The following CWC27 variants were observed in gnomAD, a reference collection of about 807,000 sequenced individuals.
The protein encoded by CWC27 is spliceosome-associated protein CWC27 homolog.
A neutral mutation model predicts 63.6 loss-of-function variants in CWC27; 47 were observed. That is an observed-to-expected ratio of 0.74 (90% CI 0.58 to 0.94). CWC27 has a LOEUF of 0.94. Ranked by LOEUF, CWC27 falls within the 40% of genes least tolerant of loss-of-function variation. The pLI is 0.00. For missense variants in CWC27, 495 were observed against 554.3 expected, an observed-to-expected ratio of 0.89 and a Z score of 1.07; for synonymous variants, 175 against 179.8, an observed-to-expected ratio of 0.97 and a Z score of 0.22.
At chr5:64,814,467 G>T (rs969075615) in intron 10 of CWC27, among the ~76,000 whole-genome samples, 1 of 152,134 alleles carries the variant, frequency 6.6e-6, no homozygotes, top group Non-Finnish European at 1.5e-5. Context: ...CTACCTTGGG[G>T]TCAGACACTT....
intron 13 of CWC27, among the ~76,000 whole-genome samples, chr5:65,004,524 G>A (rs1561186173): frequency 6.6e-6 from 1 of 150,482 alleles, no homozygotes; most frequent in Non-Finnish European, 1.5e-5. Context: ...GAATTCTTCA[G>A]TTTTAGACTT....
chr5:64,989,400 C>A (rs266563), intron 13 of CWC27, among the ~76,000 whole-genome samples: 67,876 of 151,998 alleles, frequency 0.45, 15,312 homozygotes, highest in African/African-American at 0.47. Context: ...TTAGATGGTA[C>A]TGAATAATTC....
At chr5:65,014,945 G>A (rs1257389514) in intron 13 of CWC27, among the ~76,000 whole-genome samples, 1 of 152,200 alleles carries the variant, frequency 6.6e-6, no homozygotes, top group Non-Finnish European at 1.5e-5. Context: ...GAAGTAGTTT[G>A]TAAGCTGATA....
chr5:64,804,555 C>T (rs1184109836), intron 10 of CWC27, 169 bp downstream of exon 10: 1 of 577,082 alleles, frequency 1.7e-6, no homozygotes, highest in Non-Finnish European at 2.9e-6. Flanking sequence ...TAAAATACAC[C>T]AAGCTTAAAG....
At chr5:64,912,955 G>A (rs961840886) in intron 11 of CWC27, among the ~76,000 whole-genome samples, 1 of 151,906 alleles carries the variant, frequency 6.6e-6, no homozygotes, top group Non-Finnish European at 1.5e-5. Flanking sequence ...AATAAAACCT[G>A]GTAAAGATAT....
At chr5:64,956,422 A>T (rs1748803415) in intron 11 of CWC27, among the ~76,000 whole-genome samples, 1 of 152,100 alleles carries the variant, frequency 6.6e-6, no homozygotes, top group Non-Finnish European at 1.5e-5. Flanking sequence ...CCTCCTGTGC[A>T]TCCTGCCCTG....
At position 64,818,738 on chromosome 5, in the gene CWC27, A is replaced by G. The variant is rs561059954; in HGVS notation, c.938+14352A>G. 2.0e-5 allele frequency among the ~76,000 whole-genome samples: 3 copies of G among 152,320 alleles called. No individual in the cohort carries two copies. The South Asian group carries it at 6.2e-4, about 32-fold the overall frequency. On this transcript the variant is annotated intron_variant, in intron 10 of 13. Coordinates refer to ENST00000381070, the MANE Select transcript of CWC27 (RefSeq NM_005869.4). ...AGTGTGATAGAAGGTGAGGTTATCT[A>G]ATCCTGATGGTACTGGAGAATAGCC...
chr5:64,973,222 G>GT (rs1224788415), intron 12 of CWC27, among the ~76,000 whole-genome samples: 3 of 152,222 alleles, frequency 2.0e-5, no homozygotes, highest in Non-Finnish European at 4.4e-5. Context: ...TTTAAACCAT[G>GT]TTAAGGAGTT....
intron 10 of CWC27, among the ~76,000 whole-genome samples, chr5:64,873,031 A>C (rs1746711838): frequency 6.6e-6 from 1 of 152,208 alleles, no homozygotes; most frequent in Non-Finnish European, 1.5e-5. Context: ...TCAGTTTTTC[A>C]TGAAAATGAT....
chr5:64,994,178 G>A (rs1358446441), intron 13 of CWC27, among the ~76,000 whole-genome samples: 2 of 151,994 alleles, frequency 1.3e-5, no homozygotes, highest in Non-Finnish European at 2.9e-5. Flanking sequence ...CATTGTTTTT[G>A]TCTACCCTCT....
rs531329392 is a variant in CWC27, at chr5:64,971,747, G to A, written c.1087G>A (p.Glu363Lys). The A allele has an allele frequency of 6.2e-7, 1 of 1,611,764 alleles. No individual in the cohort carries two copies. Among genetic ancestry groups the A allele is most frequent in the Non-Finnish European group, 8.5e-7 (1 of 1,179,076 alleles). The change falls in exon 12 of 14, where the codon GAA (glutamate) becomes AAA (lysine). Residue 363 changes from glutamate (E) to lysine (K), a missense_variant. Physicochemically the swap from Glu to Lys is moderately conservative, Grantham distance 56. This residue lies in a region of CWC27 where 463 missense variants were observed against 498.1 expected (regional missense o/e 0.93). Transcript: ENST00000381070. ...PDGAVAEYRR[E>K]KQKYEALRKQ... ...TGGTGCTGTTGCCGAATACAGAAGA[G>A]AAAAGCAAAAGTATGAAGCTTTGAG...
At chr5:64,997,526 A>G (rs911280127) in intron 13 of CWC27, among the ~76,000 whole-genome samples, 7 of 152,146 alleles carry the variant, frequency 4.6e-5, no homozygotes, top group South Asian at 2.1e-4. Context: ...TACAATATAT[A>G]CCATTTCTAT....
At chr5:64,965,605 G>A (rs558703092) in intron 11 of CWC27, among the ~76,000 whole-genome samples, 1 of 151,988 alleles carries the variant, frequency 6.6e-6, no homozygotes, top group Non-Finnish European at 1.5e-5. Flanking sequence ...ATTTGATCTG[G>A]GATCATTTAA....
intron 13 of CWC27, among the ~76,000 whole-genome samples, chr5:65,002,992 G>C (rs562646340): frequency 6.6e-6 from 1 of 152,246 alleles, no homozygotes; most frequent in East Asian, 1.9e-4. Context: ...AATATGTTTA[G>C]AACGTTATAT....
At chr5:64,935,024 T>C (rs897876793) in intron 11 of CWC27, among the ~76,000 whole-genome samples, 2 of 152,254 alleles carry the variant, frequency 1.3e-5, no homozygotes, top group African/African-American at 4.8e-5. Context: ...AATGGATAGA[T>C]TGCAAAAATT....
chr5:64,816,889 C>T (rs1745047244), intron 10 of CWC27, among the ~76,000 whole-genome samples: 1 of 152,058 alleles, frequency 6.6e-6, no homozygotes, highest in African/African-American at 2.4e-5. Flanking sequence ...CACTTTGCAA[C>T]ACCCAGCATC....
chr5:64,989,063 G>A (rs1749489184), intron 13 of CWC27, among the ~76,000 whole-genome samples: 2 of 152,084 alleles, frequency 1.3e-5, no homozygotes, highest in Admixed American at 6.5e-5. Flanking sequence ...CAGAACGTTG[G>A]ATCTTTAGTT....
chr5:64,824,406 T>A (rs1028226650), intron 10 of CWC27, among the ~76,000 whole-genome samples: 4 of 152,206 alleles, frequency 2.6e-5, no homozygotes, highest in Admixed American at 6.5e-5. Context: ...TTTTTCTGTA[T>A]GTTATTCATT....
chr5:64,828,596 A>G (rs1745430694), intron 10 of CWC27, among the ~76,000 whole-genome samples: 1 of 151,982 alleles, frequency 6.6e-6, no homozygotes, highest in Admixed American at 6.6e-5. Context: ...TTTTATAAGT[A>G]GGATTAATGC....
Sources: gnomAD v4.1 joint callset for allele counts (sites outside exome capture counted in the v4.1 genomes callset) on GRCh38, gnomAD v4.1.1 for gene constraint, gnomAD v4.1.1 regional missense constraint, MANE v1.5 for transcripts, NCBI Gene and HGNC (gene_info 2026-07-23, HGNC 2026-07-21) for gene names.